The following RAP1GAP2 variants were observed in gnomAD, a reference collection of about 807,000 sequenced individuals.
RAP1GAP2 encodes rap1 GTPase-activating protein 2.
A neutral mutation model predicts 95.0 loss-of-function variants in RAP1GAP2; 27 were observed. The ratio of observed to expected loss-of-function variants is 0.28; its 90% CI spans 0.21 to 0.39. The LOEUF is 0.39. RAP1GAP2 is among the 10% of genes least tolerant of loss of function. RAP1GAP2 has a pLI of 1.00. For synonymous variants in RAP1GAP2, 373 were observed against 380.9 expected, an observed-to-expected ratio of 0.98 and a Z score of 0.24; for missense variants, 771 against 970.0, an observed-to-expected ratio of 0.79 and a Z score of 2.72.
intron 2 of RAP1GAP2, among the ~76,000 whole-genome samples, chr17:2,882,927 T>C (rs923955368): frequency 6.6e-6 from 1 of 152,204 alleles, no homozygotes; most frequent in African/African-American, 2.4e-5. Context: ...ACTCGCGGAA[T>C]GAATGTCAGA....
chr17:3,007,370 C>T (rs1046019629), intron 16 of RAP1GAP2, among the ~76,000 whole-genome samples: 3 of 152,048 alleles, frequency 2.0e-5, no homozygotes, highest in African/African-American at 4.8e-5. Context: ...TGCAGGAAGG[C>T]GGCCAGTTAG....
chr17:2,879,738 A>AG (rs1441864129), intron 2 of RAP1GAP2, among the ~76,000 whole-genome samples: 4 of 150,998 alleles, frequency 2.6e-5, no homozygotes, highest in Non-Finnish European at 5.9e-5. Context: ...AAAAAAAAAA[A>AG]AGAAAGTCCC....
chr17:2,812,231 T>C (rs2069800159), intron 2 of RAP1GAP2, among the ~76,000 whole-genome samples: 1 of 152,176 alleles, frequency 6.6e-6, no homozygotes, highest in Admixed American at 6.5e-5. Context: ...AGTGGCTGGC[T>C]GGTCATTTCG....
chr17:2,962,421 G>A, intron 4 of RAP1GAP2: 1 of 488,980 alleles, frequency 2.0e-6, no homozygotes, highest in African/African-American at 2.0e-5. Context: ...AGGCTGATAG[G>A]TGGCAGTGTT....
chr17:3,032,522 C>T (rs2047357553), intron 24 of RAP1GAP2, 73 bp downstream of exon 24: 3 of 1,430,818 alleles, frequency 2.1e-6, no homozygotes, highest in East Asian at 4.6e-5. Flanking sequence ...GAACTAGAGG[C>T]CTTGTAACCT....
intron 3 of RAP1GAP2, among the ~76,000 whole-genome samples, chr17:2,926,605 G>A (rs1007308634): frequency 3.9e-5 from 6 of 152,004 alleles, no homozygotes; most frequent in Non-Finnish European, 5.9e-5. Flanking sequence ...TCTTATGGCC[G>A]CTGTCACAAA....
chr17:2,827,956 C>T lies in RAP1GAP2; in HGVS notation c.80+27406C>T, dbSNP rs1007907479. Among the ~76,000 whole-genome samples, 2 of 152,352 alleles carry T rather than the reference C, an allele frequency of 1.3e-5. No homozygotes were observed. Among genetic ancestry groups the T allele is most frequent in the East Asian group, 1.9e-4 (1 of 5,182 alleles). Reference sequence around the variant, plus strand: ...CCAGCTACTGCTCCGGCCAGCCCTTCCCTGTGGGGGAGCCACAAGAGGCCG... The same window carrying T: ...CCAGCTACTGCTCCGGCCAGCCCTTTCCTGTGGGGGAGCCACAAGAGGCCG... On this transcript the variant is annotated intron_variant, in intron 2 of 24. Transcript: ENST00000254695. This position sits in a 1 kb window ranked among gnomAD's most constrained non-coding sequence, Gnocchi z 4.1.
At chr17:2,931,087 A>G (rs1184315688) in intron 3 of RAP1GAP2, among the ~76,000 whole-genome samples, 1 of 138,266 alleles carries the variant, frequency 7.2e-6, no homozygotes, top group Non-Finnish European at 1.5e-5. Context: ...GTGCCCTTGC[A>G]CTCTGGCCTG....
intron 3 of RAP1GAP2, among the ~76,000 whole-genome samples, chr17:2,947,383 G>A (rs905822687): frequency 7.2e-5 from 11 of 152,026 alleles, no homozygotes; most frequent in Non-Finnish European, 2.9e-5. Context: ...TGTGGTCAGA[G>A]CACAGACAGC....
At chr17:2,781,058 G>A (rs994550007) in intron 1 of RAP1GAP2, among the ~76,000 whole-genome samples, 29 of 152,350 alleles carry the variant, frequency 1.9e-4, no homozygotes, top group African/African-American at 6.3e-4. Flanking sequence ...GGGCACCCAA[G>A]GCAGGTGTGA....
intron 8 of RAP1GAP2, among the ~76,000 whole-genome samples, chr17:2,968,562 A>G (rs1270108853): frequency 1.3e-5 from 2 of 152,214 alleles, no homozygotes; most frequent in Admixed American, 1.3e-4. Flanking sequence ...TTAGTATTTC[A>G]TAGATATAAA....
chr17:2,766,085 C>T (rs1313475178), intron 1 of RAP1GAP2, among the ~76,000 whole-genome samples: 5 of 152,152 alleles, frequency 3.3e-5, no homozygotes, highest in South Asian at 2.1e-4. Flanking sequence ...GGAAAGAGGC[C>T]GGCGAGGACA....
chr17:2,957,691 G>A, intron 3 of RAP1GAP2, 68 bp from the exon 4 acceptor site: 1 of 1,506,240 alleles, frequency 6.6e-7, no homozygotes, highest in African/African-American at 1.4e-5. Context: ...AGTTGGTGAG[G>A]AAGAGGCTTT....
At chr17:2,845,955 G>A (rs1255277188) in intron 2 of RAP1GAP2, among the ~76,000 whole-genome samples, 2 of 151,974 alleles carry the variant, frequency 1.3e-5, no homozygotes, top group Non-Finnish European at 2.9e-5. Context: ...AGGCCAAGGC[G>A]GGTGAATTCC....
intron 1 of RAP1GAP2, among the ~76,000 whole-genome samples, chr17:2,765,698 G>A (rs1379156734): frequency 6.6e-6 from 1 of 151,598 alleles, no homozygotes; most frequent in Non-Finnish European, 1.5e-5. Context: ...AGCTGAGATC[G>A]CGCCACTGCA....
Position 2,904,436 on chromosome 17 carries a change from T to C in RAP1GAP2, c.81-848T>C. ...TGACACAACTCTGTTTAGCTGCCTC[T>C]CTACCGTCCTAGCCCACATGGACTA... On this transcript the variant is annotated intron_variant, in intron 2 of 24. Transcript: ENST00000254695. The surrounding 1 kb of genome is among the most constrained non-coding windows in gnomAD (Gnocchi z 4.7). 6.6e-6 allele frequency among the ~76,000 whole-genome samples: 1 copy of C among 152,160 alleles called. No individual in the cohort carries two copies. Among genetic ancestry groups the C allele is most frequent in the Non-Finnish European group, 1.5e-5 (1 of 68,028 alleles).
chr17:2,789,287 A>T lies in RAP1GAP2; in HGVS notation c.-13-11228A>T, dbSNP rs1277839135. ...GGTCTCGAACTCCTGAGCTCAGGTG[A>T]TCCACCCGCCTTGTCCTCCCAAAGT... On this transcript the variant is annotated intron_variant, in intron 1 of 24. Transcript: ENST00000540393. Among the ~76,000 whole-genome samples the T allele has an allele frequency of 5.3e-5, 8 of 152,224 alleles. No homozygotes were observed. The East Asian group carries it at 1.5e-3, about 29-fold the overall frequency.
intron 3 of RAP1GAP2, among the ~76,000 whole-genome samples, chr17:2,909,576 T>G (rs1188568845): frequency 6.6e-6 from 1 of 152,200 alleles, no homozygotes; most frequent in East Asian, 1.9e-4. Flanking sequence ...GAGCATCCAC[T>G]GGGTGCCTGC....
intron 19 of RAP1GAP2, among the ~76,000 whole-genome samples, chr17:3,023,252 T>C (rs2047011127): frequency 6.6e-6 from 1 of 152,244 alleles, no homozygotes; most frequent in African/African-American, 2.4e-5. Flanking sequence ...TTGTATGGTT[T>C]TGATGTCTTT....
Sources: gnomAD v4.1 joint callset for allele counts (sites outside exome capture counted in the v4.1 genomes callset) on GRCh38, gnomAD v4.1.1 for gene constraint, Gnocchi (gnomAD v3.1) non-coding constraint, MANE v1.5 for transcripts, NCBI Gene and HGNC (gene_info 2026-07-23, HGNC 2026-07-21) for gene names.